Variants in ASIC2 observed in about 807,000 individuals in gnomAD.
The protein encoded by ASIC2 is acid sensing ion channel subunit 2.
Under a neutral mutation model 57.3 loss-of-function variants are expected in ASIC2, and 25 were observed. The ratio of observed to expected loss-of-function variants is 0.44; its 90% CI spans 0.32 to 0.61. The LOEUF is 0.61. ASIC2 is among the 20% of genes least tolerant of loss of function. The probability of loss-of-function intolerance (pLI) is 0.06; values close to 1 mark genes in which losing one functional copy is unlikely to be tolerated. For synonymous variants in ASIC2, 319 were observed against 307.5 expected, an observed-to-expected ratio of 1.04 and a Z score of -0.39; for missense variants, 641 against 738.1, an observed-to-expected ratio of 0.87 and a Z score of 1.52.
chr17:33,373,584 T>C (rs1420748609), intron 1 of ASIC2, among the ~76,000 whole-genome samples: 2 of 152,228 alleles, frequency 1.3e-5, no homozygotes, highest in Non-Finnish European at 2.9e-5. Flanking sequence ...TAATCCCTTA[T>C]TGCTCAGGAG....
intron 1 of ASIC2, among the ~76,000 whole-genome samples, chr17:33,371,894 A>C (rs995910362): frequency 1.3e-5 from 2 of 152,088 alleles, no homozygotes; most frequent in Non-Finnish European, 2.9e-5. Flanking sequence ...GCCATGTATG[A>C]ATTTGTTTGT....
chr17:33,933,861 G>A (rs998015390), intron 1 of ASIC2, among the ~76,000 whole-genome samples: 4 of 152,180 alleles, frequency 2.6e-5, no homozygotes, highest in Non-Finnish European at 4.4e-5. Flanking sequence ...CACGAAACAG[G>A]CCTTAGAGCC....
intron 1 of ASIC2, among the ~76,000 whole-genome samples, chr17:33,818,762 ATT>A (rs1186838046): frequency 6.6e-6 from 1 of 152,186 alleles, no homozygotes; most frequent in Admixed American, 6.5e-5. Context: ...TTTTGTAGGC[ATT>A]TCTTAATGTT....
chr17:33,604,167 C>CAGGA (rs1295006351), intron 1 of ASIC2, among the ~76,000 whole-genome samples: 4 of 152,170 alleles, frequency 2.6e-5, no homozygotes, highest in African/African-American at 9.7e-5. Flanking sequence ...CACAGCCAGA[C>CAGGA]AGGAAGGGGC....
intron 1 of ASIC2, among the ~76,000 whole-genome samples, chr17:33,662,593 A>C (rs958905360): frequency 3.3e-5 from 5 of 151,598 alleles, no homozygotes; most frequent in African/African-American, 1.2e-4. Flanking sequence ...ACTGTACTCC[A>C]GCCTGGGTGA....
chr17:33,281,810 A>C (rs1904961716), intron 1 of ASIC2, among the ~76,000 whole-genome samples: 1 of 152,172 alleles, frequency 6.6e-6, no homozygotes, highest in Non-Finnish European at 1.5e-5. Context: ...GCATGAACCA[A>C]ATGAGTCTCA....
intron 1 of ASIC2, among the ~76,000 whole-genome samples, chr17:33,942,586 G>A (rs1458662864): frequency 1.3e-5 from 2 of 152,144 alleles, no homozygotes; most frequent in Non-Finnish European, 1.5e-5. Flanking sequence ...CAGGGCACAC[G>A]AAGTCACTGA....
At chr17:33,288,213 G>C (rs551098172) in intron 1 of ASIC2, among the ~76,000 whole-genome samples, 44 of 152,226 alleles carry the variant, frequency 2.9e-4, no homozygotes, top group African/African-American at 1.0e-3. Flanking sequence ...GAAGGGGAAG[G>C]CATCAGTTGT....
rs1435768777 is a variant in ASIC2 at position 33,202,974 on chromosome 17, A to C, written c.708+88434T>G. 2.0e-5 allele frequency among the ~76,000 whole-genome samples: 3 copies of C among 152,318 alleles called. No homozygotes were observed. The East Asian group carries it at 5.8e-4, about 29-fold the overall frequency. On this transcript the variant is annotated intron_variant, in intron 1 of 9. Coordinates refer to ENST00000225823, the MANE Select transcript of ASIC2 (RefSeq NM_183377.2). Reference sequence around the variant, plus strand: ...CTCCTCTGCGTCCTGCTCACACAGCACTTCAAACGCCAGAGAGAAAAAAAG... The same window carrying C: ...CTCCTCTGCGTCCTGCTCACACAGCCCTTCAAACGCCAGAGAGAAAAAAAG...
intron 1 of ASIC2, among the ~76,000 whole-genome samples, chr17:33,904,583 T>C (rs929427854): frequency 3.3e-5 from 5 of 152,174 alleles, no homozygotes; most frequent in Admixed American, 1.3e-4. Flanking sequence ...ACGAATGCCA[T>C]GGATAATGAG....
chr17:34,129,406 TTGTC>T (rs1162687523), intron 1 of ASIC2, among the ~76,000 whole-genome samples: 1 of 152,226 alleles, frequency 6.6e-6, no homozygotes, highest in Non-Finnish European at 1.5e-5. Context: ...TGGGGAATTA[TTGTC>T]TGTCAGAATC....
intron 1 of ASIC2, among the ~76,000 whole-genome samples, chr17:33,619,138 A>C (rs140933722): frequency 6.6e-6 from 1 of 152,226 alleles, no homozygotes; most frequent in African/African-American, 2.4e-5. Flanking sequence ...TGCTATACAC[A>C]GGTACTTGAA....
At chr17:33,660,641 T>C (rs1035218269) in intron 1 of ASIC2, among the ~76,000 whole-genome samples, 1 of 152,234 alleles carries the variant, frequency 6.6e-6, no homozygotes, top group African/African-American at 2.4e-5. Flanking sequence ...GTATGTGCTG[T>C]GCTTTTACCT....
chr17:34,083,942 G>T (rs1343306261), intron 1 of ASIC2, among the ~76,000 whole-genome samples: 2 of 152,250 alleles, frequency 1.3e-5, no homozygotes, highest in East Asian at 1.9e-4. Context: ...AGATGAGTAG[G>T]TTGTGAAAAT....
intron 1 of ASIC2, among the ~76,000 whole-genome samples, chr17:33,870,364 T>C (rs1482348189): frequency 6.9e-6 from 1 of 144,376 alleles, no homozygotes; most frequent in Non-Finnish European, 1.5e-5. Context: ...GATCCCTTGA[T>C]AAAGTGCTTA....
At chr17:33,175,713 T>G (rs191843622) in intron 1 of ASIC2, among the ~76,000 whole-genome samples, 2 of 152,210 alleles carry the variant, frequency 1.3e-5, no homozygotes, top group Admixed American at 1.3e-4. Flanking sequence ...GTCTGTGCAA[T>G]CCGCTCACTC....
intron 1 of ASIC2, among the ~76,000 whole-genome samples, chr17:33,601,668 T>C (rs1336557812): frequency 6.6e-6 from 1 of 152,180 alleles, no homozygotes; most frequent in South Asian, 2.1e-4. Context: ...CAATTCCTAG[T>C]GGAGTCATGG....
chr17:33,192,636 G>A (rs536535234), intron 1 of ASIC2, among the ~76,000 whole-genome samples: 2 of 152,194 alleles, frequency 1.3e-5, no homozygotes, highest in African/African-American at 2.4e-5. Context: ...AGCAACCATG[G>A]TCAGGCAAAA....
chr17:33,121,201 G>C (rs2092301056), intron 1 of ASIC2, among the ~76,000 whole-genome samples: 1 of 152,248 alleles, frequency 6.6e-6, no homozygotes, highest in Admixed American at 6.5e-5. Flanking sequence ...TTGAATCTCA[G>C]ATGTTGTTCC....
Sources: allele counts gnomAD v4.1 joint callset (sites outside exome capture counted in the v4.1 genomes callset), GRCh38; gene constraint gnomAD v4.1.1; transcripts MANE v1.5; gene names NCBI Gene and HGNC (gene_info 2026-07-23, HGNC 2026-07-21).